The following CDH18 variants were observed in gnomAD, a reference collection of about 807,000 sequenced individuals.
The protein encoded by CDH18 is cadherin 18.
CDH18 carries 31 observed loss-of-function variants against 67.9 expected under a neutral mutation model. The observed-to-expected ratio is 0.46, with a 90% CI of 0.34 to 0.62. The LOEUF is 0.62. Ranked by LOEUF, CDH18 falls within the 20% of genes least tolerant of loss-of-function variation. The probability of loss-of-function intolerance (pLI) is 0.01; values close to 1 mark genes in which losing one functional copy is unlikely to be tolerated. For synonymous variants in CDH18, 362 were observed against 347.2 expected (o/e 1.04, Z -0.48); for missense variants, 890 against 975.5 (o/e 0.91, Z 1.17).
At chr5:19,875,129 G>A (rs1486536188) in intron 2 of CDH18, among the ~76,000 whole-genome samples, 1 of 152,100 alleles carries the variant, frequency 6.6e-6, no homozygotes, top group Non-Finnish European at 1.5e-5. Context: ...GTAGATACCT[G>A]ACTTTTTTAA....
chr5:19,566,653 T>C lies in CDH18; in HGVS notation c.1253+4926A>G, dbSNP rs146823776. 3.9e-5 allele frequency among the ~76,000 whole-genome samples: 6 copies of C among 152,138 alleles called. No individual in the cohort carries two copies. In the East Asian group the frequency reaches 1.2e-3, roughly 30 times the overall value. On this transcript the variant is annotated intron_variant, in intron 8 of 12. Coordinates refer to ENST00000382275, the MANE Select transcript of CDH18 (RefSeq NM_004934.5). ...GGAGGAAACCGCCCCCACGATTCAA[T>C]TATCTCCCACCAGGTCCCTATCACA...
chr5:20,327,277 A>G (rs1033403429), intron 1 of CDH18, among the ~76,000 whole-genome samples: 1 of 152,202 alleles, frequency 6.6e-6, no homozygotes, highest in African/African-American at 2.4e-5. Flanking sequence ...AACTTGTATC[A>G]TAGCCTCATT....
chr5:20,213,269 T>G (rs1740495912), intron 2 of CDH18, among the ~76,000 whole-genome samples: 1 of 152,088 alleles, frequency 6.6e-6, no homozygotes, highest in South Asian at 2.1e-4. Context: ...GATAACACAT[T>G]TATTGATTAG....
chr5:20,447,572 C>T (rs1417757804), intron 1 of CDH18, among the ~76,000 whole-genome samples: 1 of 152,122 alleles, frequency 6.6e-6, no homozygotes, highest in Admixed American at 6.5e-5. Context: ...AGAAATATGC[C>T]TCTGTTTTCT....
intron 1 of CDH18, among the ~76,000 whole-genome samples, chr5:20,359,268 A>C (rs1221347436): frequency 2.6e-5 from 4 of 152,104 alleles, no homozygotes; most frequent in Non-Finnish European, 5.9e-5. Flanking sequence ...ACAATGTCTA[A>C]TATCTCTACT....
At chr5:19,521,337 C>T (rs889634360) in intron 9 of CDH18, among the ~76,000 whole-genome samples, 4 of 152,130 alleles carry the variant, frequency 2.6e-5, no homozygotes, top group Admixed American at 6.5e-5. Flanking sequence ...ATGCAATTTA[C>T]ATGTAACTCT....
chr5:20,069,326 A>T (rs1743245679), intron 2 of CDH18, among the ~76,000 whole-genome samples: 1 of 152,058 alleles, frequency 6.6e-6, no homozygotes. Flanking sequence ...CCATTCTCAG[A>T]AAGGCTTCTT....
intron 3 of CDH18, among the ~76,000 whole-genome samples, chr5:19,749,815 A>G (rs972007843): frequency 1.1e-4 from 17 of 149,340 alleles, no homozygotes; most frequent in Admixed American, 8.2e-4. Flanking sequence ...ATTCATATAT[A>G]TACTTTTTAT....
intron 2 of CDH18, among the ~76,000 whole-genome samples, chr5:20,041,152 T>C (rs1561740737): frequency 6.6e-6 from 1 of 152,186 alleles, no homozygotes; most frequent in Non-Finnish European, 1.5e-5. Flanking sequence ...CCTTCCTCTT[T>C]ACTGTAGAAA....
intron 2 of CDH18, among the ~76,000 whole-genome samples, chr5:20,012,490 C>A (rs1253328895): frequency 1.3e-5 from 2 of 151,418 alleles, no homozygotes; most frequent in African/African-American, 2.4e-5. Flanking sequence ...AAGCTGAGAG[C>A]CAAATAAATA....
intron 3 of CDH18, among the ~76,000 whole-genome samples, chr5:19,815,258 A>G (rs545926516): frequency 2.0e-5 from 3 of 152,142 alleles, no homozygotes; most frequent in Non-Finnish European, 4.4e-5. Flanking sequence ...TTAATTTTAC[A>G]TGACACCATG....
At chr5:20,215,162 G>A (rs1740663077) in intron 2 of CDH18, among the ~76,000 whole-genome samples, 1 of 151,886 alleles carries the variant, frequency 6.6e-6, no homozygotes, top group South Asian at 2.1e-4. Context: ...AGTCAGAATG[G>A]CTATTATTAA....
intron 2 of CDH18, among the ~76,000 whole-genome samples, chr5:20,062,140 A>AATTATGATTATT (rs1554085582): frequency 2.2e-5 from 3 of 137,930 alleles, no homozygotes; most frequent in African/African-American, 8.0e-5. Flanking sequence ...TTAAGCCCAG[A>AATTATGATTATT]ATTATTATTA....
Position 20,101,845 on chromosome 5 carries a change from G to A in CDH18, c.-517-109831C>T, listed in dbSNP as rs187859845. ...TCCCAGCATTTTGGGAGGCCGAGGCGGGCGGGTCACAAGGTCAGGAGTTCG... is the reference window on the plus strand; with the variant it reads ...TCCCAGCATTTTGGGAGGCCGAGGCAGGCGGGTCACAAGGTCAGGAGTTCG... On this transcript the variant is annotated intron_variant, in intron 2 of 14. Transcript: ENST00000507958. Among the ~76,000 whole-genome samples, 13 of 152,264 alleles carry A rather than the reference G, an allele frequency of 8.5e-5. 1 individual carries two copies. Among genetic ancestry groups the A allele is most frequent in the East Asian group, 3.9e-4 (2 of 5,174 alleles).
chr5:19,739,011 A>G (rs1768738020), intron 4 of CDH18, among the ~76,000 whole-genome samples: 1 of 152,194 alleles, frequency 6.6e-6, no homozygotes, highest in Non-Finnish European at 1.5e-5. Context: ...ATGTTGGTTT[A>G]TTGGGCCTTT....
At chr5:19,925,626 C>T (rs12516564) in intron 2 of CDH18, among the ~76,000 whole-genome samples, 131,757 of 151,938 alleles carry the variant, frequency 0.87, 57,837 homozygotes, top group South Asian at 0.97. Flanking sequence ...TAGCTGGGAT[C>T]ACAGGTGCCT....
chr5:20,006,508 A>C (rs1305973222), intron 2 of CDH18, among the ~76,000 whole-genome samples: 1 of 152,000 alleles, frequency 6.6e-6, no homozygotes, highest in African/African-American at 2.4e-5. Flanking sequence ...ACAGCAACCA[A>C]GATGCTCATT....
At position 19,962,395 on chromosome 5, in the gene CDH18, A is replaced by AAAAAAAAAAT. The variant is rs58319680; in HGVS notation, c.-257+18664_-257+18665insATTTTTTTTT. Reference sequence around the variant, plus strand: ...TCAAAAAGCAAAAAAAAAAAAAAAAAAGAAAATTCAATTCCTTTAAGAATA... The same window carrying AAAAAAAAAAT: ...TCAAAAAGCAAAAAAAAAAAAAAAAAAAAAAAAAATAGAAAATTCAATTCCTTTAAGAATA... On this transcript the variant is annotated intron_variant, in intron 2 of 12. Transcript: ENST00000382275. 6.8e-5 allele frequency among the ~76,000 whole-genome samples: 8 copies of AAAAAAAAAAT among 117,056 alleles called. 1 individual carries two copies. The highest frequency in any genetic ancestry group is 1.0e-4 in the Non-Finnish European group (6 of 57,850). 76.8% of individuals were successfully genotyped at this position (117,056 alleles called of 152,430 possible).
chr5:20,126,094 A>G (rs1294296505), intron 2 of CDH18, among the ~76,000 whole-genome samples: 1 of 152,166 alleles, frequency 6.6e-6, no homozygotes, highest in Non-Finnish European at 1.5e-5. Flanking sequence ...TTAAAATCAG[A>G]TGGTCCTGGC....
Sources: allele counts gnomAD v4.1 joint callset (sites outside exome capture counted in the v4.1 genomes callset), GRCh38; gene constraint gnomAD v4.1.1; transcripts MANE v1.5; gene names NCBI Gene and HGNC (gene_info 2026-07-23, HGNC 2026-07-21).